The following ZEB1 variants were observed in gnomAD, a reference collection of about 807,000 sequenced individuals.
The protein encoded by ZEB1 is zinc finger E-box binding homeobox 1.
In ZEB1, 21 loss-of-function variants were observed where a neutral mutation model predicts 84.9. The observed-to-expected ratio is 0.25, with a 90% CI of 0.18 to 0.36. The LOEUF is 0.36. Ranked by LOEUF, ZEB1 falls within the 10% of genes least tolerant of loss-of-function variation. The pLI is 1.00. For missense variants in ZEB1, 1,104 were observed against 1,330.2 expected (o/e 0.83, Z 2.65); for synonymous variants, 420 against 471.1 (o/e 0.89, Z 1.41).
At chr10:31,469,816 T>C (rs534752218) in intron 2 of ZEB1, among the ~76,000 whole-genome samples, 1 of 152,300 alleles carries the variant, frequency 6.6e-6, no homozygotes, top group South Asian at 2.1e-4. Flanking sequence ...TGTCCCTGTC[T>C]GACAGCTTTG....
chr10:31,421,989 C>T (rs1237163300), intron 1 of ZEB1, among the ~76,000 whole-genome samples: 2 of 151,992 alleles, frequency 1.3e-5, no homozygotes. Context: ...CAAACATTGA[C>T]CCTGATTAAA....
chr10:31,464,540 A>T (rs535827713), intron 2 of ZEB1, among the ~76,000 whole-genome samples: 1 of 152,326 alleles, frequency 6.6e-6, no homozygotes, highest in South Asian at 2.1e-4. Context: ...GGACATTCAG[A>T]TCTGTAAAGA....
chr10:31,499,685 G>C (rs890968783), intron 3 of ZEB1, among the ~76,000 whole-genome samples: 1 of 151,736 alleles, frequency 6.6e-6, no homozygotes, highest in Non-Finnish European at 1.5e-5. Context: ...GAATCGCTTG[G>C]ACCCAGGAGG....
intron 1 of ZEB1, chr10:31,373,083 A>G (rs1162237411): frequency 2.0e-6 from 2 of 985,410 alleles, no homozygotes; most frequent in African/African-American, 3.5e-5. Flanking sequence ...GATCATCCAA[A>G]TGTCATTTTG....
chr10:31,365,866 C>T (rs1045795340), intron 1 of ZEB1, among the ~76,000 whole-genome samples: 1 of 152,180 alleles, frequency 6.6e-6, no homozygotes, highest in African/African-American at 2.4e-5. Flanking sequence ...TTTGTATGCT[C>T]TACTGAATAT....
In ZEB1 at chr10:31,475,218, G is replaced by GA. The variant is rs201712107; in HGVS notation, c.259+13992dup. 6.8e-3 allele frequency among the ~76,000 whole-genome samples: 940 copies of GA among 138,606 alleles called. 10 individuals carry two copies. Among genetic ancestry groups the GA allele is most frequent in the Admixed American group, 0.032 (451 of 13,904 alleles). 90.9% of individuals were successfully genotyped at this position (138,606 alleles called of 152,430 possible). The stretch of plus-strand genomic sequence containing the variant: ...TAAAACTTAAAGTATAATAATAAAA[G>GA]AAAAAAAAAAACAAATTAACCCAAT... On this transcript the variant is annotated intron_variant, in intron 2 of 8. Transcript: ENST00000424869.
At chr10:31,346,020 A>T (rs2040246130) in intron 1 of ZEB1, among the ~76,000 whole-genome samples, 1 of 152,164 alleles carries the variant, frequency 6.6e-6, no homozygotes, top group South Asian at 2.1e-4. Flanking sequence ...AAGTTATGTA[A>T]TTTGGCTTAC....
At chr10:31,435,154 C>T (rs1002822627) in intron 1 of ZEB1, among the ~76,000 whole-genome samples, 3 of 152,146 alleles carry the variant, frequency 2.0e-5, no homozygotes, top group South Asian at 2.1e-4. Flanking sequence ...CAGAATGATG[C>T]GACATGAGAA....
In ZEB1 at chr10:31,319,223, A is replaced by T. The variant is rs751762203; in HGVS notation, c.-12A>T. 3 of 1,604,086 alleles carry T rather than the reference A, an allele frequency of 1.9e-6. No individual in the cohort carries two copies. Among genetic ancestry groups the T allele is most frequent in the Non-Finnish European group, 1.7e-6 (2 of 1,176,202 alleles). On this transcript the variant is annotated 5_prime_UTR_variant, in exon 1 of 9. In the 5' UTR this introduces an upstream ATG that the reference lacks. Coordinates refer to ENST00000424869, the MANE Select transcript of ZEB1 (RefSeq NM_001174096.2). ...GAGGTGACTCGAGCATTTAGACACAAGCGAGAGGATCATGGCGGATGGCCC... is the reference window on the plus strand; with the variant it reads ...GAGGTGACTCGAGCATTTAGACACATGCGAGAGGATCATGGCGGATGGCCC...
intron 1 of ZEB1, chr10:31,363,414 G>C: frequency 6.5e-7 from 1 of 1,534,170 alleles, no homozygotes; most frequent in Admixed American, 2.0e-5. Context: ...AGCTCTTGAG[G>C]TGGACATTTC....
Position 31,446,203 on chromosome 10 carries a change from T to G in ZEB1, c.59-14834T>G, listed in dbSNP as rs557711452. 2.0e-5 allele frequency among the ~76,000 whole-genome samples: 3 copies of G among 152,328 alleles called. No individual in the cohort carries two copies. In the South Asian group the frequency reaches 6.2e-4, roughly 32 times the overall value. ...TCCTAGATTTTCTAGTTTATTTGCATAGAGCTGTTTGTAGTATTCTCTGAT... is the reference window on the plus strand; with the variant it reads ...TCCTAGATTTTCTAGTTTATTTGCAGAGAGCTGTTTGTAGTATTCTCTGAT... On this transcript the variant is annotated intron_variant, in intron 1 of 8. Coordinates refer to ENST00000424869, the MANE Select transcript of ZEB1 (RefSeq NM_001174096.2).
At chr10:31,430,472 C>A (rs929408148) in intron 1 of ZEB1, among the ~76,000 whole-genome samples, 1 of 152,178 alleles carries the variant, frequency 6.6e-6, no homozygotes, top group Admixed American at 6.5e-5. Flanking sequence ...CCACTACCTG[C>A]AGACATGACT....
At chr10:31,506,354 A>G (rs1331060381) in intron 4 of ZEB1, among the ~76,000 whole-genome samples, 1 of 152,090 alleles carries the variant, frequency 6.6e-6, no homozygotes, top group Middle Eastern at 3.4e-3. Context: ...TCTAATGCTG[A>G]TAGGGGTGTT....
Position 31,378,133 on chromosome 10 carries a change from C to T in ZEB1, c.58+58841C>T, listed in dbSNP as rs891912041. 1.2e-4 allele frequency among the ~76,000 whole-genome samples: 18 copies of T among 151,156 alleles called. 1 individual carries two copies. Among genetic ancestry groups the T allele is most frequent in the South Asian group, 2.1e-4 (1 of 4,794 alleles). ...TATATATTGGATGTATGTATACTCA[C>T]GTCTGCTTTACCAAATGTTCTCACT... On this transcript the variant is annotated intron_variant, in intron 1 of 8. Transcript: ENST00000424869.
chr10:31,383,508 A>G (rs1476746254), intron 1 of ZEB1, among the ~76,000 whole-genome samples: 1 of 152,196 alleles, frequency 6.6e-6, no homozygotes, highest in Non-Finnish European at 1.5e-5. Flanking sequence ...TAATTAAAAT[A>G]TTTGTGTTAG....
intron 5 of ZEB1, among the ~76,000 whole-genome samples, chr10:31,513,973 A>G (rs1280033696): frequency 6.6e-6 from 1 of 152,200 alleles, no homozygotes; most frequent in African/African-American, 2.4e-5. Context: ...GATTAATCTA[A>G]GTATGAAGAA....
intron 1 of ZEB1, among the ~76,000 whole-genome samples, chr10:31,334,395 G>C (rs2037540937): frequency 6.6e-6 from 1 of 152,026 alleles, no homozygotes; most frequent in Admixed American, 6.6e-5. Flanking sequence ...AAAATAACTT[G>C]TGGATCAAAG....
At chr10:31,345,596 G>C (rs780783081) in intron 1 of ZEB1, among the ~76,000 whole-genome samples, 1 of 152,018 alleles carries the variant, frequency 6.6e-6, no homozygotes, top group African/African-American at 2.4e-5. Context: ...GGGTTATGAG[G>C]CCCACCTTGA....
Position 31,521,697 on chromosome 10 carries a change from C to T in ZEB1, c.2365C>T (p.Pro789Ser), listed in dbSNP as rs1230453865. ...GGACAGTTGTGTTACAGACTCAGAA[C>T]CAGTTGTAAATGTAATCCCACCAAG... ...QKDSCVTDSE[P>S]VVNVIPPSAN... The change falls in exon 7 of 9, where the codon CCA becomes TCA. Residue 789 changes from proline (P) to serine (S), a missense_variant. Physicochemically the swap from Pro to Ser is moderately conservative, Grantham distance 74. Coordinates refer to ENST00000424869, the MANE Select transcript of ZEB1 (RefSeq NM_001174096.2). The T allele has an allele frequency of 1.9e-6, 3 of 1,614,004 alleles. No individual in the cohort carries two copies. The highest frequency in any genetic ancestry group is 2.5e-6 in the Non-Finnish European group (3 of 1,180,020).
Sources: allele counts gnomAD v4.1 joint callset (sites outside exome capture counted in the v4.1 genomes callset), GRCh38; gene constraint gnomAD v4.1.1; transcripts MANE v1.5; gene names NCBI Gene and HGNC (gene_info 2026-07-23, HGNC 2026-07-21).